Variants in ILRUN observed in about 807,000 individuals in gnomAD.
The protein encoded by ILRUN is inflammation and lipid regulator with UBA-like and NBR1-like domains.
Under a neutral mutation model 33.8 loss-of-function variants are expected in ILRUN, and 3 were observed. The observed-to-expected ratio is 0.09, with a 90% CI of 0.04 to 0.23. The LOEUF (loss-of-function observed/expected upper bound fraction) is 0.23. Among genes scored for constraint, ILRUN ranks in the 10% least tolerant of loss-of-function variants. The probability of loss-of-function intolerance (pLI) is 1.00; values close to 1 mark genes in which losing one functional copy is unlikely to be tolerated. For synonymous variants in ILRUN, 124 were observed against 138.9 expected (o/e 0.89, Z 0.75); for missense variants, 210 against 375.1 (o/e 0.56, Z 3.64).
chr6:34,612,973 G>T (rs1230089654), intron 3 of ILRUN, among the ~76,000 whole-genome samples: 1 of 152,034 alleles, frequency 6.6e-6, no homozygotes, highest in Non-Finnish European at 1.5e-5. Context: ...AACCCGGGAG[G>T]CGGAGCTTGC....
chr6:34,650,671 G>T (rs1380847361), intron 2 of ILRUN, among the ~76,000 whole-genome samples: 1 of 151,902 alleles, frequency 6.6e-6, no homozygotes, highest in African/African-American at 2.4e-5. Flanking sequence ...GGCTGGTCTT[G>T]AACTCCTGAC....
chr6:34,669,878 A>G (rs1038719600), intron 1 of ILRUN, among the ~76,000 whole-genome samples: 12 of 152,208 alleles, frequency 7.9e-5, no homozygotes, highest in African/African-American at 2.9e-4. Flanking sequence ...TACGTATTAT[A>G]TGATTTCCAC....
At chr6:34,597,018 C>T (rs1356944793) in intron 4 of ILRUN, among the ~76,000 whole-genome samples, 2 of 152,098 alleles carry the variant, frequency 1.3e-5, no homozygotes, top group Non-Finnish European at 2.9e-5. Context: ...TCCCTCCATA[C>T]ATCCTCCCTG....
chr6:34,688,178 G>GT (rs1249602403), intron 1 of ILRUN, among the ~76,000 whole-genome samples: 2 of 151,844 alleles, frequency 1.3e-5, no homozygotes, highest in South Asian at 4.2e-4. Flanking sequence ...GCCAGTGCAG[G>GT]TGGATCCCTT....
chr6:34,594,289 T>C (rs1433032556), intron 4 of ILRUN, among the ~76,000 whole-genome samples: 2 of 152,138 alleles, frequency 1.3e-5, no homozygotes, highest in African/African-American at 2.4e-5. Flanking sequence ...CAAGCAAAAA[T>C]TGAAGCCATC....
chr6:34,626,093 G>A (rs967704794), intron 3 of ILRUN, among the ~76,000 whole-genome samples: 2 of 152,108 alleles, frequency 1.3e-5, no homozygotes, highest in Non-Finnish European at 2.9e-5. Flanking sequence ...CCCATGATCC[G>A]CCTGGGTCGG....
chr6:34,676,031 A>G (rs1345213422), intron 1 of ILRUN, among the ~76,000 whole-genome samples: 1 of 152,198 alleles, frequency 6.6e-6, no homozygotes, highest in South Asian at 2.1e-4. Context: ...TGGACATCCA[A>G]TGCATCCAGT....
chr6:34,612,870 A>G (rs534604148), intron 3 of ILRUN, among the ~76,000 whole-genome samples: 20 of 152,006 alleles, frequency 1.3e-4, no homozygotes, highest in Admixed American at 2.6e-4. Context: ...GTGAAACCCC[A>G]TCTCTACTAA....
intron 3 of ILRUN, among the ~76,000 whole-genome samples, chr6:34,610,382 G>A (rs899627855): frequency 6.6e-6 from 1 of 152,108 alleles, no homozygotes; most frequent in African/African-American, 2.4e-5. Context: ...CCAATAGCAG[G>A]CAGCCTGAGG....
Position 34,687,285 on chromosome 6 carries a change from T to A in ILRUN, c.158+9161A>T, listed in dbSNP as rs191451688. On this transcript the variant is annotated intron_variant, in intron 1 of 4. Transcript: ENST00000374023. ...AATGGTTATTTCTCCAAAGAAGATA[T>A]ACAAATGGCCAAAAAGCACATAAAA... Among the ~76,000 whole-genome samples, 4 of 152,210 alleles carry A rather than the reference T, an allele frequency of 2.6e-5. No homozygotes were observed. In the East Asian group the frequency reaches 7.7e-4, roughly 29 times the overall value.
chr6:34,655,608 AC>A (rs1245395188), intron 1 of ILRUN, among the ~76,000 whole-genome samples: 1 of 152,136 alleles, frequency 6.6e-6, no homozygotes, highest in Non-Finnish European at 1.5e-5. Flanking sequence ...TAACCAGTGG[AC>A]TTTTGAGTTT....
intron 3 of ILRUN, among the ~76,000 whole-genome samples, chr6:34,626,285 C>T (rs1456724289): frequency 1.3e-5 from 2 of 152,302 alleles, no homozygotes; most frequent in East Asian, 3.9e-4. Context: ...AATCTTCCCA[C>T]ATTTGCCCGC....
In ILRUN at chr6:34,674,535, TA is replaced by T. The variant is rs572601648; in HGVS notation, c.159-19757del. ...AAGTCAACAGATAATGATTAAAGGT[TA>T]AAAAAAATTGAGAGAGAGGTAACAA... On this transcript the variant is annotated intron_variant, in intron 1 of 4. Coordinates refer to ENST00000374023, the MANE Select transcript of ILRUN (RefSeq NM_024294.4). Among the ~76,000 whole-genome samples, 223 of 151,938 alleles carry T rather than the reference TA, an allele frequency of 1.5e-3. 1 individual carries two copies. The highest frequency in any genetic ancestry group is 5.0e-3 in the African/African-American group (208 of 41,438).
chr6:34,607,889 T>C (rs1318716292), intron 3 of ILRUN, among the ~76,000 whole-genome samples: 1 of 152,100 alleles, frequency 6.6e-6, no homozygotes, highest in Admixed American at 6.6e-5. Context: ...GACCAAGAGT[T>C]TGAGACCGTC....
chr6:34,601,866 G>A (rs1256595444), intron 4 of ILRUN, among the ~76,000 whole-genome samples: 1 of 151,538 alleles, frequency 6.6e-6, no homozygotes, highest in Non-Finnish European at 1.5e-5. Context: ...ATGCTCTACA[G>A]GATGACTGTC....
chr6:34,683,521 T>TAC lies in ILRUN; in HGVS notation c.158+12924_158+12925insGT, dbSNP rs1204657552. 1.6e-3 allele frequency among the ~76,000 whole-genome samples: 219 copies of TAC among 136,828 alleles called. 5 individuals carry two copies. The highest frequency in any genetic ancestry group is 2.8e-3 in the Non-Finnish European group (185 of 65,262). 89.8% of individuals were successfully genotyped at this position (136,828 alleles called of 152,430 possible). ...ATACATATATATATATATACATATA[T>TAC]ATATATACATATTGCACAGAATATT... On this transcript the variant is annotated intron_variant, in intron 1 of 4. Coordinates refer to ENST00000374023, the MANE Select transcript of ILRUN (RefSeq NM_024294.4).
chr6:34,613,242 AC>A (rs1370775167), intron 3 of ILRUN, among the ~76,000 whole-genome samples: 31 of 152,224 alleles, frequency 2.0e-4, no homozygotes, highest in African/African-American at 5.1e-4. Flanking sequence ...AACAACAACA[AC>A]AACAAAAAAC....
chr6:34,630,604 G>C (rs186889935), intron 3 of ILRUN, among the ~76,000 whole-genome samples: 1 of 152,230 alleles, frequency 6.6e-6, no homozygotes, highest in Non-Finnish European at 1.5e-5. Flanking sequence ...GGATGGCTTC[G>C]ATCTCTTGAC....
At chr6:34,630,542 C>T (rs1318891107) in intron 3 of ILRUN, among the ~76,000 whole-genome samples, 1 of 152,172 alleles carries the variant, frequency 6.6e-6, no homozygotes, top group African/African-American at 2.4e-5. Flanking sequence ...TACCACCATA[C>T]CCAGCTAATT....
Sources: allele counts gnomAD v4.1 joint callset (sites outside exome capture counted in the v4.1 genomes callset), GRCh38; gene constraint gnomAD v4.1.1; transcripts MANE v1.5; gene names NCBI Gene and HGNC (gene_info 2026-07-23, HGNC 2026-07-21).